The following MVB12B variants were observed in gnomAD, a reference collection of about 807,000 sequenced individuals.
MVB12B encodes ESCRT-I complex subunit MVB12B.
Under a neutral mutation model 41.6 loss-of-function variants are expected in MVB12B, and 16 were observed. The ratio of observed to expected loss-of-function variants is 0.38; its 90% confidence interval spans 0.26 to 0.58. MVB12B has a LOEUF of 0.58. Ranked by LOEUF, MVB12B falls within the 20% of genes least tolerant of loss-of-function variation. The pLI is 0.62. For missense variants in MVB12B, 274 were observed against 380.2 expected (o/e 0.72, Z 2.32); for synonymous variants, 133 against 139.7 (o/e 0.95, Z 0.34).
chr9:126,369,740 G>A (rs995367426), intron 2 of MVB12B, among the ~76,000 whole-genome samples: 8 of 152,086 alleles, frequency 5.3e-5, no homozygotes, highest in Non-Finnish European at 1.0e-4. Flanking sequence ...TGCAACCTCC[G>A]CCTTCCAGGT....
intron 6 of MVB12B, among the ~76,000 whole-genome samples, chr9:126,413,499 A>T (rs1169281281): frequency 6.6e-6 from 1 of 152,194 alleles, no homozygotes; most frequent in East Asian, 1.9e-4. Context: ...CTCAAATCTC[A>T]AAAAGGGAAG....
chr9:126,418,519 A>G (rs1033650847), intron 6 of MVB12B, among the ~76,000 whole-genome samples: 1 of 152,120 alleles, frequency 6.6e-6, no homozygotes, highest in Non-Finnish European at 1.5e-5. Context: ...TACCATTCCC[A>G]TCCACATTGG....
At chr9:126,394,555 G>A (rs185310626) in intron 5 of MVB12B, among the ~76,000 whole-genome samples, 31 of 152,220 alleles carry the variant, frequency 2.0e-4, no homozygotes, top group East Asian at 3.9e-4. Context: ...TCTTAAAAGC[G>A]GGCACAGTTC....
At chr9:126,437,003 A>T (rs937502410) in intron 7 of MVB12B, among the ~76,000 whole-genome samples, 11 of 152,268 alleles carry the variant, frequency 7.2e-5, no homozygotes, top group Admixed American at 7.2e-4. Flanking sequence ...CTGCCCTTCC[A>T]CAGAGAGCTG....
intron 6 of MVB12B, among the ~76,000 whole-genome samples, chr9:126,405,803 T>C (rs930243910): frequency 4.0e-5 from 6 of 151,102 alleles, no homozygotes; most frequent in African/African-American, 1.5e-4. Flanking sequence ...GCAGCAGATG[T>C]TTTGTTTCCA....
intron 6 of MVB12B, among the ~76,000 whole-genome samples, chr9:126,403,437 G>C (rs1033002646): frequency 1.3e-5 from 2 of 152,276 alleles, no homozygotes; most frequent in Admixed American, 1.3e-4. Flanking sequence ...CCTGGCCTGC[G>C]TCGTTTTCCT....
intron 1 of MVB12B, among the ~76,000 whole-genome samples, chr9:126,339,467 T>A (rs369593859): frequency 6.6e-6 from 1 of 152,362 alleles, no homozygotes; most frequent in African/African-American, 2.4e-5. Flanking sequence ...GTGTTGCCTC[T>A]TTTATTTGCT....
chr9:126,479,890 C>T (rs1833491460), intron 7 of MVB12B, among the ~76,000 whole-genome samples: 1 of 152,230 alleles, frequency 6.6e-6, no homozygotes, highest in Admixed American at 6.5e-5. Flanking sequence ...AGCCATTCGG[C>T]TTTTCTTGCT....
chr9:126,493,734 T>A (rs1833779508), intron 9 of MVB12B, among the ~76,000 whole-genome samples: 1 of 152,258 alleles, frequency 6.6e-6, no homozygotes, highest in South Asian at 2.1e-4. Context: ...GCTTTCTGTC[T>A]TTGTGGTTCT....
chr9:126,406,887 A>G (rs1346717394), intron 6 of MVB12B, among the ~76,000 whole-genome samples: 3 of 151,638 alleles, frequency 2.0e-5, no homozygotes, highest in African/African-American at 7.3e-5. Flanking sequence ...TGGTATAAGG[A>G]TTGTAACTTA....
intron 2 of MVB12B, among the ~76,000 whole-genome samples, chr9:126,351,780 G>A (rs531028051): frequency 6.6e-6 from 1 of 152,140 alleles, no homozygotes; most frequent in South Asian, 2.1e-4. Context: ...GAGCCACCGT[G>A]CCTGGCCCCA....
chr9:126,382,226 G>A (rs1015221898), intron 3 of MVB12B, among the ~76,000 whole-genome samples: 2 of 152,016 alleles, frequency 1.3e-5, no homozygotes, highest in Non-Finnish European at 2.9e-5. Context: ...GGGTCCTGGC[G>A]TGTCCCCTTG....
intron 3 of MVB12B, among the ~76,000 whole-genome samples, chr9:126,384,912 C>T (rs1201949601): frequency 2.7e-5 from 4 of 147,786 alleles, no homozygotes; most frequent in African/African-American, 1.0e-4. Flanking sequence ...TCTTGGCTTA[C>T]TGCAGCCTCA....
At chr9:126,366,250 C>T (rs1830178723) in intron 2 of MVB12B, among the ~76,000 whole-genome samples, 1 of 152,070 alleles carries the variant, frequency 6.6e-6, no homozygotes, top group Admixed American at 6.6e-5. Flanking sequence ...ACTCACCCCT[C>T]AATTCCTAAA....
intron 7 of MVB12B, among the ~76,000 whole-genome samples, chr9:126,453,195 T>C (rs1832915565): frequency 6.6e-6 from 1 of 152,198 alleles, no homozygotes; most frequent in African/African-American, 2.4e-5. Flanking sequence ...AGCGGGTTTT[T>C]AGTGAGCATC....
intron 7 of MVB12B, among the ~76,000 whole-genome samples, chr9:126,447,472 TAGAAA>T (rs1438737584): frequency 1.3e-5 from 2 of 152,160 alleles, no homozygotes; most frequent in African/African-American, 2.4e-5. Flanking sequence ...ACTCAAGTGT[TAGAAA>T]AGACATTTCT....
At chr9:126,495,191 C>CAAAAA (rs5900709) in intron 9 of MVB12B, among the ~76,000 whole-genome samples, 4 of 131,912 alleles carry the variant, frequency 3.0e-5, no homozygotes, top group South Asian at 2.5e-4. Context: ...GATCCTGTCT[C>CAAAAA]AAAAAAAAAA....
intron 7 of MVB12B, among the ~76,000 whole-genome samples, chr9:126,428,664 A>T (rs1268956202): frequency 6.6e-6 from 1 of 152,168 alleles, no homozygotes; most frequent in East Asian, 1.9e-4. Context: ...ACTGCTTGGC[A>T]TGTTGTAATG....
intron 9 of MVB12B, among the ~76,000 whole-genome samples, chr9:126,487,186 G>A (rs1337411702): frequency 2.0e-5 from 3 of 152,166 alleles, no homozygotes; most frequent in Non-Finnish European, 2.9e-5. Context: ...GCACGATCAG[G>A]ATAGTAATAA....
Sources: gnomAD v4.1 joint callset for allele counts (sites outside exome capture counted in the v4.1 genomes callset) on GRCh38, gnomAD v4.1.1 for gene constraint, MANE v1.5 for transcripts, NCBI Gene and HGNC (gene_info 2026-07-23, HGNC 2026-07-21) for gene names.